Variants in SDK1 observed in about 807,000 individuals in gnomAD.
SDK1 encodes the protein sidekick cell adhesion molecule 1, also known as protein sidekick-1.
A neutral mutation model predicts 245.5 loss-of-function variants in SDK1; 157 were observed. That is an observed-to-expected ratio of 0.64 (90% CI 0.56 to 0.73). The LOEUF (loss-of-function observed/expected upper bound fraction) is 0.73, where lower values mean the gene tolerates loss of function less well. Among genes scored for constraint, SDK1 ranks in the 30% least tolerant of loss-of-function variants. The pLI is 0.00. For synonymous variants in SDK1, 1,647 were observed against 1,278.5 expected (o/e 1.29, Z -6.15); for missense variants, 3,583 against 3,002.3 (o/e 1.19, Z -4.52).
chr7:4,044,572 T>A (rs1788878251), intron 17 of SDK1, among the ~76,000 whole-genome samples: 1 of 151,950 alleles, frequency 6.6e-6, no homozygotes, highest in South Asian at 2.1e-4. Flanking sequence ...GCCTCCCAAG[T>A]AGCTAGGACT....
chr7:3,413,904 T>A (rs914072896), intron 1 of SDK1, among the ~76,000 whole-genome samples: 1 of 152,088 alleles, frequency 6.6e-6, no homozygotes, highest in Non-Finnish European at 1.5e-5. Context: ...GCCCAGGAGT[T>A]CAAAGTTGCA....
chr7:3,324,417 C>T (rs1242065246), intron 1 of SDK1, among the ~76,000 whole-genome samples: 2 of 152,018 alleles, frequency 1.3e-5, no homozygotes, highest in Non-Finnish European at 2.9e-5. Context: ...TTTTGCTTGC[C>T]TGTTAATTTG....
At chr7:3,533,508 A>T (rs1783418276) in intron 1 of SDK1, among the ~76,000 whole-genome samples, 1 of 152,210 alleles carries the variant, frequency 6.6e-6, no homozygotes, top group African/African-American at 2.4e-5. Flanking sequence ...TTTAAATGTA[A>T]ATATTTTTAT....
At chr7:3,673,360 A>C (rs1783780756) in intron 4 of SDK1, among the ~76,000 whole-genome samples, 1 of 152,232 alleles carries the variant, frequency 6.6e-6, no homozygotes, top group African/African-American at 2.4e-5. Flanking sequence ...AGGGGAAATA[A>C]AAGCATTCAT....
At chr7:3,329,932 A>G (rs893703132) in intron 1 of SDK1, among the ~76,000 whole-genome samples, 3 of 152,210 alleles carry the variant, frequency 2.0e-5, no homozygotes, top group African/African-American at 7.2e-5. Context: ...TGCAAATACT[A>G]TGCTGTTTTA....
intron 1 of SDK1, among the ~76,000 whole-genome samples, chr7:3,447,876 G>T (rs747113029): frequency 6.6e-6 from 1 of 151,694 alleles, no homozygotes; most frequent in Non-Finnish European, 1.5e-5. Flanking sequence ...GGCTAATTTC[G>T]TATTTTTAGT....
chr7:3,999,684 G>A (rs941846734), intron 14 of SDK1, among the ~76,000 whole-genome samples: 2 of 152,248 alleles, frequency 1.3e-5, no homozygotes, highest in African/African-American at 4.8e-5. Context: ...TTGAGCAGGA[G>A]AAGCTGGAGG....
intron 16 of SDK1, among the ~76,000 whole-genome samples, chr7:4,012,754 G>C: frequency 6.6e-6 from 1 of 150,850 alleles, no homozygotes; most frequent in African/African-American, 2.4e-5. Context: ...TTGCATTTTT[G>C]GTAGAGACAG....
intron 1 of SDK1, among the ~76,000 whole-genome samples, chr7:3,332,328 C>T (rs892049575): frequency 1.3e-5 from 2 of 152,090 alleles, no homozygotes; most frequent in Non-Finnish European, 2.9e-5. Flanking sequence ...GGGCTCCATC[C>T]TTTAATGTCA....
chr7:4,046,002 C>T (rs907643410), intron 17 of SDK1, among the ~76,000 whole-genome samples: 4 of 151,378 alleles, frequency 2.6e-5, no homozygotes, highest in African/African-American at 7.3e-5. Context: ...CTTGGTTGCT[C>T]ACGGCAGCCT....
At chr7:3,439,012 C>T (rs779057914) in intron 1 of SDK1, among the ~76,000 whole-genome samples, 7 of 151,942 alleles carry the variant, frequency 4.6e-5, no homozygotes, top group Non-Finnish European at 1.0e-4. Context: ...GCTACCACGC[C>T]CAGCTCACTT....
At chr7:3,315,080 A>G (rs1779633382) in intron 1 of SDK1, among the ~76,000 whole-genome samples, 1 of 152,170 alleles carries the variant, frequency 6.6e-6, no homozygotes, top group South Asian at 2.1e-4. Flanking sequence ...ACAAATGATG[A>G]GGACCTGAAT....
intron 5 of SDK1, among the ~76,000 whole-genome samples, chr7:3,909,005 C>T (rs184583930): frequency 3.6e-4 from 55 of 152,222 alleles, no homozygotes; most frequent in African/African-American, 9.6e-4. Flanking sequence ...GCCCCCTGCT[C>T]AAGTGAGCCA....
intron 1 of SDK1, among the ~76,000 whole-genome samples, chr7:3,568,411 G>T (rs532370970): frequency 1.3e-5 from 2 of 151,976 alleles, no homozygotes; most frequent in African/African-American, 4.8e-5. Context: ...TTATATTGTG[G>T]TATATGTATA....
At chr7:3,971,933 C>T (rs968021660) in intron 12 of SDK1, among the ~76,000 whole-genome samples, 3 of 152,112 alleles carry the variant, frequency 2.0e-5, no homozygotes, top group African/African-American at 7.2e-5. Context: ...GGCTGTGCCA[C>T]TCCCGGGAGA....
chr7:3,735,732 C>A lies in SDK1; in HGVS notation c.714-85718C>A, dbSNP rs915686931. ...ATTCTATTTTTAATTTTTTAAGGAA[C>A]CTCCATACTGTTTTCCGTAGTGGCT... On this transcript the variant is annotated intron_variant, in intron 4 of 44. Transcript: ENST00000404826. 2.0e-5 allele frequency among the ~76,000 whole-genome samples: 3 copies of A among 152,184 alleles called. No homozygotes were observed. In the East Asian group the frequency reaches 5.8e-4, roughly 29 times the overall value.
intron 41 of SDK1, among the ~76,000 whole-genome samples, chr7:4,235,426 A>T (rs899567349): frequency 1.3e-5 from 2 of 152,178 alleles, no homozygotes; most frequent in Non-Finnish European, 2.9e-5. Context: ...GGCCTCCCAA[A>T]GTGCTGGGAT....
intron 5 of SDK1, among the ~76,000 whole-genome samples, chr7:3,878,416 C>G (rs1012037552): frequency 6.6e-6 from 1 of 152,052 alleles, no homozygotes; most frequent in Non-Finnish European, 1.5e-5. Flanking sequence ...ACTTGGGAGG[C>G]TGAGGCAGGA....
At chr7:3,747,271 T>A (rs866954600) in intron 4 of SDK1, among the ~76,000 whole-genome samples, 1 of 152,190 alleles carries the variant, frequency 6.6e-6, no homozygotes, top group Non-Finnish European at 1.5e-5. Flanking sequence ...ATAACCAACA[T>A]TTAGTTTCTA....
Sources: gnomAD v4.1 joint callset for allele counts (sites outside exome capture counted in the v4.1 genomes callset) on GRCh38, gnomAD v4.1.1 for gene constraint, MANE v1.5 for transcripts, NCBI Gene and HGNC (gene_info 2026-07-23, HGNC 2026-07-21) for gene names.